Variants in ULK4 observed in about 807,000 individuals in gnomAD.
ULK4 encodes inactive serine/threonine-protein kinase ULK4.
A neutral mutation model predicts 160.6 loss-of-function variants in ULK4; 133 were observed. That is an observed-to-expected ratio of 0.83 (90% confidence interval 0.72 to 0.96). The LOEUF is 0.96. ULK4 is among the 40% of genes least tolerant of loss of function. The probability of loss-of-function intolerance (pLI) is 0.00; values close to 1 mark genes in which losing one functional copy is unlikely to be tolerated. For synonymous variants in ULK4, 534 were observed against 539.8 expected, an observed-to-expected ratio of 0.99 and a Z score of 0.15; for missense variants, 1,580 against 1,499.5, an observed-to-expected ratio of 1.05 and a Z score of -0.89.
intron 30 of ULK4, among the ~76,000 whole-genome samples, chr3:41,631,630 A>G (rs1342875404): frequency 6.6e-6 from 1 of 152,150 alleles, no homozygotes; most frequent in Non-Finnish European, 1.5e-5. Context: ...TAACTTTGTA[A>G]AATGCTTTTA....
chr3:41,286,422 C>T (rs1024154213), intron 35 of ULK4, among the ~76,000 whole-genome samples: 3 of 151,958 alleles, frequency 2.0e-5, no homozygotes, highest in South Asian at 2.1e-4. Context: ...CAGCCTAAGA[C>T]GGATATGACA....
At chr3:41,873,559 G>GC (rs1697191342) in intron 17 of ULK4, among the ~76,000 whole-genome samples, 1 of 151,814 alleles carries the variant, frequency 6.6e-6, no homozygotes, top group Non-Finnish European at 1.5e-5. Flanking sequence ...TGTTTGTTTT[G>GC]TTTTTTGTTT....
rs190112494 is a variant in ULK4, at chr3:41,571,537, T to C, written c.3121-5407A>G. ...GCCTCTTTAAGTCAGAGGAGAGGAATATATGAAAAGAGAAAACATGAGAGT... is the reference window on the plus strand; with the variant it reads ...GCCTCTTTAAGTCAGAGGAGAGGAACATATGAAAAGAGAAAACATGAGAGT... On this transcript the variant is annotated intron_variant, in intron 31 of 36. Coordinates refer to ENST00000301831, the MANE Select transcript of ULK4 (RefSeq NM_017886.4). Among the ~76,000 whole-genome samples, 4 of 152,276 alleles carry C rather than the reference T, an allele frequency of 2.6e-5. No homozygotes were observed. In the East Asian group the frequency reaches 7.7e-4, roughly 29 times the overall value.
chr3:41,918,166 C>G (rs923446502), intron 7 of ULK4, among the ~76,000 whole-genome samples: 1 of 152,032 alleles, frequency 6.6e-6, no homozygotes, highest in African/African-American at 2.4e-5. Context: ...ATACAAAAAG[C>G]AATGTCACAT....
At chr3:41,641,505 T>A (rs574770233) in intron 30 of ULK4, among the ~76,000 whole-genome samples, 29 of 152,264 alleles carry the variant, frequency 1.9e-4, no homozygotes, top group African/African-American at 6.7e-4. Context: ...AAGACCACTC[T>A]GGGCAACACA....
intron 17 of ULK4, chr3:41,859,247 G>T: frequency 1.8e-6 from 1 of 545,704 alleles, no homozygotes; most frequent in African/African-American, 2.0e-5. Flanking sequence ...ACCAAAATGG[G>T]CAAGTCAAGA....
intron 21 of ULK4, 58 bp from the exon 22 acceptor site, chr3:41,754,546 A>G: frequency 6.4e-7 from 1 of 1,560,300 alleles, no homozygotes; most frequent in Non-Finnish European, 8.7e-7. Flanking sequence ...GGCAGTCTCA[A>G]TTCTCAGAGT....
At chr3:41,510,809 C>T (rs555028406) in intron 32 of ULK4, among the ~76,000 whole-genome samples, 1 of 152,164 alleles carries the variant, frequency 6.6e-6, no homozygotes, top group Admixed American at 6.5e-5. Context: ...GCTATCAAAA[C>T]CTTTGGGATA....
At chr3:41,493,448 T>C (rs2084868725) in intron 32 of ULK4, among the ~76,000 whole-genome samples, 1 of 128,958 alleles carries the variant, frequency 7.8e-6, no homozygotes, top group South Asian at 2.5e-4. Flanking sequence ...GGGAAATTTA[T>C]AGCACTAAAT....
chr3:41,831,531 A>ATATATATATATATATTT, intron 18 of ULK4, among the ~76,000 whole-genome samples: 2 of 138,062 alleles, frequency 1.4e-5, no homozygotes, highest in East Asian at 2.1e-4. Context: ...ATATATATAT[A>ATATATATATATATATTT]TTTTTTTTTC....
At chr3:41,891,829 C>T (rs1032333679) in intron 16 of ULK4, among the ~76,000 whole-genome samples, 24 of 152,080 alleles carry the variant, frequency 1.6e-4, no homozygotes, top group Admixed American at 9.2e-4. Context: ...CACTTGAACC[C>T]GGGAGGCAGA....
In ULK4 at chr3:41,912,842, T is replaced by C. The variant is rs1698836533; in HGVS notation, c.861A>G (p.Ala287=). ...HSFWKKAFAG[A]DQESSVEDLS... is the part of the protein sequence containing the mutation. ...GATCTTCGACGCTTGATTCCTGATC[T>C]GCTCCAGCAAAAGCTTTCTTCCAAA... The change falls in exon 9 of 37, where the codon GCA becomes GCG. Residue 287 remains alanine, a synonymous_variant. Coordinates refer to ENST00000301831, the MANE Select transcript of ULK4 (RefSeq NM_017886.4). 1 of 1,614,058 alleles carries C rather than the reference T, an allele frequency of 6.2e-7. No individual in the cohort carries two copies. Among genetic ancestry groups the C allele is most frequent in the African/African-American group, 1.3e-5 (1 of 74,944 alleles).
chr3:41,496,414 A>G (rs904014949), intron 32 of ULK4, among the ~76,000 whole-genome samples: 1 of 152,120 alleles, frequency 6.6e-6, no homozygotes, highest in Non-Finnish European at 1.5e-5. Context: ...GAGGAAAAAC[A>G]CATACAATGA....
At chr3:41,683,104 A>C (rs2035975927) in intron 27 of ULK4, among the ~76,000 whole-genome samples, 1 of 152,016 alleles carries the variant, frequency 6.6e-6, no homozygotes, top group East Asian at 1.9e-4. Flanking sequence ...TGATCACAAA[A>C]CCCACACCAG....
intron 34 of ULK4, among the ~76,000 whole-genome samples, chr3:41,423,800 C>A (rs1466664483): frequency 6.6e-6 from 1 of 152,182 alleles, no homozygotes; most frequent in East Asian, 1.9e-4. Flanking sequence ...CACCCCCAGC[C>A]AGAGAGGCAG....
At chr3:41,280,143 A>G (rs2079322553) in intron 35 of ULK4, among the ~76,000 whole-genome samples, 1 of 152,226 alleles carries the variant, frequency 6.6e-6, no homozygotes, top group African/African-American at 2.4e-5. Flanking sequence ...ATACAGGAGC[A>G]CCCAGATTCA....
Position 41,883,869 on chromosome 3 carries a change from A to G in ULK4, c.1656+5T>C. On this transcript the variant is annotated splice_donor_5th_base_variant and intron_variant, in intron 17 of 36. Coordinates refer to ENST00000301831, the MANE Select transcript of ULK4 (RefSeq NM_017886.4). The stretch of plus-strand genomic sequence containing the variant: ...TCATCACATTTAAGTAATAAAAGAC[A>G]TTACCTCAACAACAGGTGTATTTTC... 1 of 1,598,744 alleles carries G rather than the reference A, an allele frequency of 6.3e-7. No individual in the cohort carries two copies. The highest frequency in any genetic ancestry group is 8.6e-7 in the Non-Finnish European group (1 of 1,165,732).
chr3:41,615,573 C>T (rs768235397), intron 31 of ULK4, 96 bp downstream of exon 31: 2 of 1,187,596 alleles, frequency 1.7e-6, no homozygotes, highest in African/African-American at 3.0e-5. Flanking sequence ...TCCTTCAGGG[C>T]AGAGGCAGGG....
At chr3:41,862,397 G>A (rs190606968) in intron 17 of ULK4, among the ~76,000 whole-genome samples, 2 of 152,150 alleles carry the variant, frequency 1.3e-5, no homozygotes, top group East Asian at 1.9e-4. Context: ...TTGGTCCCTC[G>A]TGCCTTATTT....
Sources: allele counts gnomAD v4.1 joint callset (sites outside exome capture counted in the v4.1 genomes callset), GRCh38; gene constraint gnomAD v4.1.1; transcripts MANE v1.5; gene names NCBI Gene and HGNC (gene_info 2026-07-23, HGNC 2026-07-21).